The following CAMKMT variants were observed in gnomAD, a reference collection of about 807,000 sequenced individuals.
CAMKMT encodes the protein calmodulin-lysine N-methyltransferase, also known as CaM KMT.
A neutral mutation model predicts 48.0 loss-of-function variants in CAMKMT; 53 were observed. That is an observed-to-expected ratio of 1.10 (90% CI 0.89 to 1.39). The LOEUF (loss-of-function observed/expected upper bound fraction) is 1.39, where lower values mean the gene tolerates loss of function less well. CAMKMT is among the 40% of genes most tolerant of loss of function. The pLI is 0.00. For missense variants in CAMKMT, 428 were observed against 402.7 expected, an observed-to-expected ratio of 1.06 and a Z score of -0.54; for synonymous variants, 165 against 152.3, an observed-to-expected ratio of 1.08 and a Z score of -0.61.
intron 3 of CAMKMT, among the ~76,000 whole-genome samples, chr2:44,612,431 C>T (rs1265980987): frequency 6.6e-6 from 1 of 152,120 alleles, no homozygotes; most frequent in Non-Finnish European, 1.5e-5. Flanking sequence ...CTAAATGCAG[C>T]ACTTTGAAAA....
chr2:44,527,369 A>G (rs979868113), intron 3 of CAMKMT, among the ~76,000 whole-genome samples: 1 of 143,806 alleles, frequency 7.0e-6, no homozygotes, highest in African/African-American at 2.5e-5. Context: ...ATATACGTAT[A>G]TACATACATA....
intron 3 of CAMKMT, among the ~76,000 whole-genome samples, chr2:44,462,592 C>T (rs1667903855): frequency 6.6e-6 from 1 of 151,940 alleles, no homozygotes; most frequent in Non-Finnish European, 1.5e-5. Flanking sequence ...AATATGTATT[C>T]ATATATCTAT....
intron 3 of CAMKMT, among the ~76,000 whole-genome samples, chr2:44,551,693 A>C (rs576960994): frequency 8.7e-4 from 133 of 152,334 alleles, no homozygotes; most frequent in Admixed American, 5.1e-3. Context: ...ATGTCACTGT[A>C]GATGAATTTG....
intron 3 of CAMKMT, among the ~76,000 whole-genome samples, chr2:44,430,479 G>A (rs1684583221): frequency 6.6e-6 from 1 of 151,232 alleles, no homozygotes; most frequent in Non-Finnish European, 1.5e-5. Flanking sequence ...GCAGAGAATA[G>A]ATGGTAACAA....
rs79981011 is a variant in CAMKMT, at chr2:44,743,613, C to A, written c.624-9C>A. On this transcript the variant is annotated splice_polypyrimidine_tract_variant and intron_variant, in intron 7 of 10. Transcript: ENST00000378494. ...TATGTATAATTTTTAAAATCTTTTTCTCCTCAAGCGTTTTACGATGGGATA... is the reference window on the plus strand; with the variant it reads ...TATGTATAATTTTTAAAATCTTTTTATCCTCAAGCGTTTTACGATGGGATA... 1 of 1,598,436 alleles carries A rather than the reference C, an allele frequency of 6.3e-7. No homozygotes were observed. Among genetic ancestry groups the A allele is most frequent in the Admixed American group, 1.8e-5 (1 of 56,790 alleles).
At chr2:44,410,142 T>G (rs1683086813) in intron 3 of CAMKMT, among the ~76,000 whole-genome samples, 1 of 144,562 alleles carries the variant, frequency 6.9e-6, no homozygotes, top group Non-Finnish European at 1.5e-5. Flanking sequence ...TTTCTTACCA[T>G]GTACTACCAA....
intron 3 of CAMKMT, among the ~76,000 whole-genome samples, chr2:44,559,487 A>G (rs1668209125): frequency 6.6e-6 from 1 of 152,148 alleles, no homozygotes; most frequent in Non-Finnish European, 1.5e-5. Flanking sequence ...ATTTCATGAC[A>G]ACTCTCATGG....
intron 3 of CAMKMT, among the ~76,000 whole-genome samples, chr2:44,617,445 AAG>A (rs956877742): frequency 7.2e-5 from 11 of 152,236 alleles, no homozygotes; most frequent in Non-Finnish European, 1.6e-4. Context: ...CAAGTTAAAA[AAG>A]AGTTATCCAG....
chr2:44,368,391 A>G (rs1411589527), intron 1 of CAMKMT, among the ~76,000 whole-genome samples: 1 of 152,238 alleles, frequency 6.6e-6, no homozygotes, highest in Non-Finnish European at 1.5e-5. Flanking sequence ...CAATGTCAAA[A>G]GTAATTTGAC....
chr2:44,362,784 G>A (rs1014373239), intron 1 of CAMKMT, among the ~76,000 whole-genome samples: 1 of 152,208 alleles, frequency 6.6e-6, no homozygotes, highest in Non-Finnish European at 1.5e-5. Flanking sequence ...GTTCGTTTTT[G>A]AATGATGGTA....
At chr2:44,769,563 C>T (rs553985921) in intron 10 of CAMKMT, among the ~76,000 whole-genome samples, 8 of 152,152 alleles carry the variant, frequency 5.3e-5, no homozygotes, top group African/African-American at 1.4e-4. Context: ...GATGTGACTT[C>T]GAGATTACAG....
chr2:44,581,688 G>A (rs1669572755), intron 3 of CAMKMT, among the ~76,000 whole-genome samples: 1 of 152,204 alleles, frequency 6.6e-6, no homozygotes, highest in Non-Finnish European at 1.5e-5. Context: ...TTTATAGCTG[G>A]TGGCTGTTTT....
intron 3 of CAMKMT, among the ~76,000 whole-genome samples, chr2:44,406,423 T>C (rs900352842): frequency 6.6e-6 from 1 of 152,166 alleles, no homozygotes; most frequent in Admixed American, 6.6e-5. Context: ...TTACAGATAG[T>C]TTCAACCTAC....
intron 3 of CAMKMT, among the ~76,000 whole-genome samples, chr2:44,525,359 A>G (rs2850292): frequency 0.64 from 96,767 of 151,822 alleles, 31,447 homozygotes; most frequent in Middle Eastern, 0.69. Context: ...GGATTCAAGC[A>G]ATTCTCCTGC....
chr2:44,377,775 T>C (rs1412817821), intron 2 of CAMKMT, among the ~76,000 whole-genome samples: 2 of 152,162 alleles, frequency 1.3e-5, no homozygotes, highest in Non-Finnish European at 2.9e-5. Context: ...AAGAATGACT[T>C]TGTCTTTGAC....
At chr2:44,615,077 C>CT (rs35508442) in intron 3 of CAMKMT, among the ~76,000 whole-genome samples, 1 of 149,960 alleles carries the variant, frequency 6.7e-6, no homozygotes, top group Admixed American at 6.6e-5. Flanking sequence ...ACAGGTGCAC[C>CT]CCACACCCGG....
chr2:44,687,590 A>G (rs1214767343), intron 3 of CAMKMT, among the ~76,000 whole-genome samples: 8 of 152,262 alleles, frequency 5.3e-5, no homozygotes, highest in Non-Finnish European at 1.2e-4. Flanking sequence ...CACATATACT[A>G]ACCTTTCAAA....
chr2:44,425,502 A>T (rs1338227462), intron 3 of CAMKMT, among the ~76,000 whole-genome samples: 1 of 152,204 alleles, frequency 6.6e-6, no homozygotes, highest in Non-Finnish European at 1.5e-5. Flanking sequence ...TGTTTTGATT[A>T]CAGAAAAGGC....
At chr2:44,718,155 C>T (rs1678270880) in intron 7 of CAMKMT, among the ~76,000 whole-genome samples, 1 of 152,198 alleles carries the variant, frequency 6.6e-6, no homozygotes, top group South Asian at 2.1e-4. Flanking sequence ...GCTGAACCTT[C>T]ATTAGCTTCA....
Sources: allele counts gnomAD v4.1 joint callset (sites outside exome capture counted in the v4.1 genomes callset), GRCh38; gene constraint gnomAD v4.1.1; transcripts MANE v1.5; gene names NCBI Gene and HGNC (gene_info 2026-07-23, HGNC 2026-07-21).